The following LRRC75A variants were observed in gnomAD, a reference collection of about 807,000 sequenced individuals.
LRRC75A encodes the protein leucine-rich repeat-containing protein 75A.
In LRRC75A, 12 loss-of-function variants were observed where a neutral mutation model predicts 26.0. That is an observed-to-expected ratio of 0.46 (90% confidence interval 0.30 to 0.75). LRRC75A has a LOEUF of 0.75. Among genes scored for constraint, LRRC75A ranks in the 30% least tolerant of loss-of-function variants. The probability of loss-of-function intolerance (pLI) is 0.08; values close to 1 mark genes in which losing one functional copy is unlikely to be tolerated. For missense variants in LRRC75A, 410 were observed against 486.6 expected, an observed-to-expected ratio of 0.84 and a Z score of 1.48; for synonymous variants, 223 against 219.3, an observed-to-expected ratio of 1.02 and a Z score of -0.15.
intron 2 of LRRC75A, among the ~76,000 whole-genome samples, chr17:16,458,542 G>A (rs139279957): frequency 0.014 from 2,179 of 151,438 alleles, 46 homozygotes; most frequent in African/African-American, 0.05. Flanking sequence ...CTCAGCTCAC[G>A]GCAACCTCCG....
chr17:16,458,665 A>G (rs1002864822), intron 2 of LRRC75A, among the ~76,000 whole-genome samples: 3 of 151,934 alleles, frequency 2.0e-5, no homozygotes, highest in Non-Finnish European at 2.9e-5. Flanking sequence ...GGGTTTCTCC[A>G]TGTTGGTCAG....
chr17:16,492,049 C>T lies in LRRC75A; in HGVS notation c.-59G>A. 2 of 1,094,784 alleles carry T rather than the reference C, an allele frequency of 1.8e-6. No individual in the cohort carries two copies. Among genetic ancestry groups the T allele is most frequent in the Non-Finnish European group, 2.2e-6 (2 of 902,620 alleles). The allele number at this position is 1,094,784 out of a possible 1,614,324, so 67.8% of individuals were successfully genotyped here. ...GCCGCGAGGCCGCGTCCCCGCCAACCGCCCGCCCCTCGGCCGCCCGTGCGC... is the reference window on the plus strand; with the variant it reads ...GCCGCGAGGCCGCGTCCCCGCCAACTGCCCGCCCCTCGGCCGCCCGTGCGC... On this transcript the variant is annotated 5_prime_UTR_variant, in exon 1 of 4. Coordinates refer to ENST00000470794, the MANE Select transcript of LRRC75A (RefSeq NM_001113567.3).
At position 16,441,655 on chromosome 17, in the gene LRRC75A, C is replaced by T. The variant is rs2093526005; in HGVS notation, c.*1933G>A. ...GTGGCACAATCACAGCTCATTGCAT[C>T]CTCAATCACCCAGGCCTAAGCAATC... is the stretch of plus-strand genomic sequence containing the variant. On this transcript the variant is annotated 3_prime_UTR_variant, in exon 4 of 4. Coordinates refer to ENST00000470794, the MANE Select transcript of LRRC75A (RefSeq NM_001113567.3). The T allele has an allele frequency of 3.0e-6, 1 of 334,024 alleles. No homozygotes were observed. The highest frequency in any genetic ancestry group is 5.9e-6 in the Non-Finnish European group (1 of 170,462). 20.7% of individuals were successfully genotyped at this position (334,024 alleles called of 1,614,324 possible). A position where few individuals can be genotyped will look rare whatever the true frequency, so the allele number is the denominator to read the frequency against.
rs1443199189 is a variant in LRRC75A at position 16,442,580 on chromosome 17, C to T, written c.*1008G>A. ...CTTTGGGAGCCTCCAGTTTGTTTCTCCCTCTCCCCAGCCATCTTGTTGGAT... is the reference window on the plus strand; with the variant it reads ...CTTTGGGAGCCTCCAGTTTGTTTCTTCCTCTCCCCAGCCATCTTGTTGGAT... On this transcript the variant is annotated 3_prime_UTR_variant, in exon 4 of 4. Transcript: ENST00000470794. 6.6e-6 allele frequency: 1 copy of T among 152,268 alleles called. No homozygotes were observed. Among genetic ancestry groups the T allele is most frequent in the African/African-American group, 2.4e-5 (1 of 41,458 alleles). 9.4% of individuals were successfully genotyped at this position (152,268 alleles called of 1,614,324 possible).
chr17:16,484,980 A>G (rs1490191501), intron 1 of LRRC75A, among the ~76,000 whole-genome samples: 3 of 148,818 alleles, frequency 2.0e-5, no homozygotes, highest in South Asian at 4.2e-4. Context: ...AAAAAAAAAA[A>G]GCTGGGAAAT....
chr17:16,479,892 A>C (rs2093829656), intron 1 of LRRC75A, among the ~76,000 whole-genome samples: 1 of 152,224 alleles, frequency 6.6e-6, no homozygotes, highest in Non-Finnish European at 1.5e-5. Context: ...CAAACCCCCA[A>C]GCCACAGACC....
At chr17:16,454,666 G>T (rs1231016114) in intron 2 of LRRC75A, among the ~76,000 whole-genome samples, 9 of 152,168 alleles carry the variant, frequency 5.9e-5, no homozygotes, top group Non-Finnish European at 1.3e-4. Flanking sequence ...ACTCCAGCCC[G>T]GGCAACAAGA....
Position 16,442,455 on chromosome 17 carries a change from GTTA to G in LRRC75A, c.*1130_*1132del, listed in dbSNP as rs2093538722. On this transcript the variant is annotated 3_prime_UTR_variant, in exon 4 of 4. Coordinates refer to ENST00000470794, the MANE Select transcript of LRRC75A (RefSeq NM_001113567.3). ...AACTACTTGGATCTAGGGGTTGCCT[GTTA>G]TTTAGAAGAGATCCCTTAACTGGTA... 1 of 152,264 alleles carries G rather than the reference GTTA, an allele frequency of 6.6e-6. No homozygotes were observed. Among genetic ancestry groups the G allele is most frequent in the Admixed American group, 6.5e-5 (1 of 15,280 alleles). 9.4% of individuals were successfully genotyped at this position (152,264 alleles called of 1,614,324 possible). A position where few individuals can be genotyped will look rare whatever the true frequency, so the allele number is the denominator to read the frequency against.
Position 16,491,723 on chromosome 17 carries a change from C to T in LRRC75A, c.246+22G>A. On this transcript the variant is annotated intron_variant, in intron 1 of 3. Transcript: ENST00000470794. The surrounding 1 kb of genome is among the most constrained non-coding windows in gnomAD (Gnocchi z 5.9). ...ACGCCCCCTGGCCCGGCGCGCCCCC[C>T]GCGCCCCCTCCCCGCGCTCACCTGG... is the stretch of plus-strand genomic sequence containing the variant. The T allele has an allele frequency of 7.6e-7, 1 of 1,321,618 alleles. No homozygotes were observed. Among genetic ancestry groups the T allele is most frequent in the Non-Finnish European group, 9.6e-7 (1 of 1,040,272 alleles). The allele number at this position is 1,321,618 out of a possible 1,614,324, so 81.9% of individuals were successfully genotyped here.
intron 3 of LRRC75A, 35 bp downstream of exon 3, chr17:16,447,810 C>G (rs1316876092): frequency 6.8e-7 from 1 of 1,467,002 alleles, no homozygotes; most frequent in African/African-American, 1.4e-5. Flanking sequence ...ACACACTCAG[C>G]CTGGCATAGA....
rs926318487 is a variant in LRRC75A, at chr17:16,491,633, T to C, written c.246+112A>G. ...GCTCCATCCCCGCGGAAGGGGCCCC[T>C]GGGCGGTGCCCCTCGGTGCCCCCGG... On this transcript the variant is annotated intron_variant, in intron 1 of 3. Transcript: ENST00000470794. The surrounding 1 kb of genome is among the most constrained non-coding windows in gnomAD (Gnocchi z 5.9). 2.8e-4 allele frequency: 219 copies of C among 777,646 alleles called. No homozygotes were observed. The highest frequency in any genetic ancestry group is 6.6e-4 in the African/African-American group (36 of 54,622). 48.2% of individuals were successfully genotyped at this position (777,646 alleles called of 1,614,324 possible).
intron 2 of LRRC75A, among the ~76,000 whole-genome samples, chr17:16,456,445 G>A (rs1456303636): frequency 6.7e-6 from 1 of 148,764 alleles, no homozygotes; most frequent in Admixed American, 6.7e-5. Flanking sequence ...GGAAGAGGAG[G>A]AGGAAGAGGA....
intron 2 of LRRC75A, among the ~76,000 whole-genome samples, chr17:16,461,409 C>T (rs989254562): frequency 6.6e-6 from 1 of 152,254 alleles, no homozygotes; most frequent in African/African-American, 2.4e-5. Flanking sequence ...AAAACCAAAG[C>T]AACAGAGAAG....
chr17:16,456,464 A>G (rs549712484), intron 2 of LRRC75A, among the ~76,000 whole-genome samples: 1 of 137,554 alleles, frequency 7.3e-6, no homozygotes, highest in African/African-American at 2.6e-5. Flanking sequence ...GAAGAAGAGG[A>G]GAAGGAGAAA....
chr17:16,457,684 A>T (rs1471969607), intron 2 of LRRC75A, among the ~76,000 whole-genome samples: 1 of 151,982 alleles, frequency 6.6e-6, no homozygotes, highest in African/African-American at 2.4e-5. Flanking sequence ...CTTAAAAGGT[A>T]TTGTGGGGGT....
chr17:16,476,960 A>G (rs8070002), intron 1 of LRRC75A, among the ~76,000 whole-genome samples: 104,659 of 150,656 alleles, frequency 0.69, 36,699 homozygotes, highest in East Asian at 0.79. Context: ...GGATGGTCTC[A>G]ATCTCCTGAC....
chr17:16,467,792 T>C (rs191855022), intron 1 of LRRC75A, among the ~76,000 whole-genome samples: 2 of 152,354 alleles, frequency 1.3e-5, no homozygotes, highest in African/African-American at 4.8e-5. Flanking sequence ...GTCCTCTTCC[T>C]GGGAATATCA....
At chr17:16,448,821 C>T (rs1050835763) in intron 2 of LRRC75A, among the ~76,000 whole-genome samples, 1 of 152,182 alleles carries the variant, frequency 6.6e-6, no homozygotes, top group Non-Finnish European at 1.5e-5. Context: ...CAGAAGGAAA[C>T]CCACCAGCCA....
chr17:16,475,309 TGTG>T (rs2093817144), intron 1 of LRRC75A, among the ~76,000 whole-genome samples: 1 of 151,614 alleles, frequency 6.6e-6, no homozygotes, highest in African/African-American at 2.4e-5. Flanking sequence ...ACTGATAAGA[TGTG>T]TGTGTGTGTG....
Sources: gnomAD v4.1 joint callset for allele counts (sites outside exome capture counted in the v4.1 genomes callset) on GRCh38, gnomAD v4.1.1 for gene constraint, Gnocchi (gnomAD v3.1) non-coding constraint, MANE v1.5 for transcripts, NCBI Gene and HGNC (gene_info 2026-07-23, HGNC 2026-07-21) for gene names.